Variants in KCNQ5 observed in about 807,000 individuals in gnomAD.
KCNQ5 encodes the protein potassium voltage-gated channel subfamily KQT member 5.
KCNQ5 carries 30 observed loss-of-function variants against 98.2 expected under a neutral mutation model. The ratio of observed to expected loss-of-function variants is 0.31; its 90% CI spans 0.23 to 0.41. The LOEUF (loss-of-function observed/expected upper bound fraction) is 0.41. Ranked by LOEUF, KCNQ5 falls within the 10% of genes least tolerant of loss-of-function variation. KCNQ5 has a pLI of 1.00. For synonymous variants in KCNQ5, 458 were observed against 449.4 expected (o/e 1.02, Z -0.24); for missense variants, 835 against 1,182.5 (o/e 0.71, Z 4.31).
At chr6:73,098,285 A>G (rs936009478) in intron 5 of KCNQ5, among the ~76,000 whole-genome samples, 5 of 152,152 alleles carry the variant, frequency 3.3e-5, no homozygotes, top group African/African-American at 9.7e-5. Context: ...TATCTATAAA[A>G]TAGCTTCAAA....
chr6:72,834,242 C>G (rs1776410636), intron 1 of KCNQ5, among the ~76,000 whole-genome samples: 1 of 151,986 alleles, frequency 6.6e-6, no homozygotes, highest in African/African-American at 2.4e-5. Flanking sequence ...AAAAGACTTT[C>G]ATTAAATTGG....
intron 1 of KCNQ5, among the ~76,000 whole-genome samples, chr6:72,917,263 A>G (rs1432716104): frequency 6.6e-6 from 1 of 152,110 alleles, no homozygotes; most frequent in Non-Finnish European, 1.5e-5. Context: ...AAAAAATACC[A>G]ATACTTATTT....
At chr6:72,726,464 C>T (rs996484967) in intron 1 of KCNQ5, among the ~76,000 whole-genome samples, 8 of 152,100 alleles carry the variant, frequency 5.3e-5, no homozygotes, top group Non-Finnish European at 1.0e-4. Context: ...CCGCCCGCCT[C>T]GGCCTCCCAA....
intron 1 of KCNQ5, among the ~76,000 whole-genome samples, chr6:72,722,677 G>C (rs1014204446): frequency 2.6e-5 from 4 of 151,954 alleles, no homozygotes; most frequent in Admixed American, 2.0e-4. Flanking sequence ...GCATAGCTCG[G>C]ATTATTGTCA....
chr6:72,659,861 AT>A (rs1565064011), intron 1 of KCNQ5, among the ~76,000 whole-genome samples: 1 of 152,036 alleles, frequency 6.6e-6, no homozygotes, highest in African/African-American at 2.4e-5. Context: ...TATCTTGTCC[AT>A]TTTTTTCTTT....
intron 1 of KCNQ5, among the ~76,000 whole-genome samples, chr6:72,931,657 G>A (rs186942657): frequency 1.4e-3 from 220 of 152,262 alleles, no homozygotes; most frequent in Non-Finnish European, 1.7e-3. Flanking sequence ...GGAACTAGTG[G>A]CTCCAGGCAC....
chr6:73,062,837 T>C (rs1186641084), intron 3 of KCNQ5, among the ~76,000 whole-genome samples: 1 of 152,170 alleles, frequency 6.6e-6, no homozygotes, highest in Non-Finnish European at 1.5e-5. Context: ...ACTTCTGCCT[T>C]TTGCAAAATG....
chr6:72,832,698 T>C (rs763297267), intron 1 of KCNQ5, among the ~76,000 whole-genome samples: 3 of 152,204 alleles, frequency 2.0e-5, no homozygotes, highest in Non-Finnish European at 2.9e-5. Context: ...TAATTCTTCC[T>C]GCACACTTCT....
intron 2 of KCNQ5, among the ~76,000 whole-genome samples, chr6:73,031,465 A>AAG (rs780358518): frequency 6.6e-6 from 1 of 152,260 alleles, no homozygotes; most frequent in Non-Finnish European, 1.5e-5. Flanking sequence ...TGATTTTAAT[A>AAG]GATAATAAAA....
At chr6:73,104,083 A>T (rs569341708) in intron 5 of KCNQ5, among the ~76,000 whole-genome samples, 2 of 152,248 alleles carry the variant, frequency 1.3e-5, no homozygotes, top group African/African-American at 4.8e-5. Flanking sequence ...TATTCAATAT[A>T]GTAGTGGAAG....
chr6:72,869,417 C>T (rs2150160573), intron 1 of KCNQ5, among the ~76,000 whole-genome samples: 1 of 152,284 alleles, frequency 6.6e-6, no homozygotes, highest in Admixed American at 6.5e-5. Flanking sequence ...AGCATTTAGA[C>T]AAAATGGTCC....
At chr6:72,812,512 CCT>C (rs1267491892) in intron 1 of KCNQ5, among the ~76,000 whole-genome samples, 1 of 152,148 alleles carries the variant, frequency 6.6e-6, no homozygotes, top group Non-Finnish European at 1.5e-5. Flanking sequence ...AATGGCAAAA[CCT>C]CTGTGTACTG....
intron 1 of KCNQ5, among the ~76,000 whole-genome samples, chr6:72,981,169 T>A (rs567212769): frequency 6.6e-6 from 1 of 152,348 alleles, no homozygotes; most frequent in East Asian, 1.9e-4. Context: ...GATGCTGGCC[T>A]CATAAAATGA....
intron 2 of KCNQ5, among the ~76,000 whole-genome samples, chr6:73,019,377 G>A (rs755660459): frequency 3.3e-5 from 5 of 151,868 alleles, no homozygotes; most frequent in Non-Finnish European, 7.4e-5. Context: ...ATGTATATAT[G>A]GCATTGTGGC....
intron 10 of KCNQ5, among the ~76,000 whole-genome samples, chr6:73,143,096 G>A (rs1483940034): frequency 6.6e-6 from 1 of 152,130 alleles, no homozygotes; most frequent in Non-Finnish European, 1.5e-5. Context: ...GAACTAAAAG[G>A]TGTGTGATAC....
intron 1 of KCNQ5, among the ~76,000 whole-genome samples, chr6:72,899,938 C>G (rs1779415156): frequency 1.3e-5 from 2 of 152,066 alleles, no homozygotes; most frequent in Non-Finnish European, 2.9e-5. Context: ...CTCTGCCTCC[C>G]AGGTTCAAGT....
At chr6:72,969,601 C>T (rs541473084) in intron 1 of KCNQ5, among the ~76,000 whole-genome samples, 8 of 152,092 alleles carry the variant, frequency 5.3e-5, no homozygotes, top group South Asian at 2.1e-4. Flanking sequence ...TATTCTATTC[C>T]GTCATTTTTC....
chr6:72,877,432 T>C (rs1040892443), intron 1 of KCNQ5, among the ~76,000 whole-genome samples: 2 of 152,226 alleles, frequency 1.3e-5, no homozygotes, highest in African/African-American at 4.8e-5. Flanking sequence ...TCATGGTGTA[T>C]ATGTACCACA....
chr6:72,791,416 C>T (rs1437326253), intron 1 of KCNQ5, among the ~76,000 whole-genome samples: 1 of 152,120 alleles, frequency 6.6e-6, no homozygotes, highest in East Asian at 1.9e-4. Flanking sequence ...TTCTCCTACC[C>T]AATGCCCTCC....
Sources: allele counts gnomAD v4.1 joint callset (sites outside exome capture counted in the v4.1 genomes callset), GRCh38; gene constraint gnomAD v4.1.1; transcripts MANE v1.5; gene names NCBI Gene and HGNC (gene_info 2026-07-23, HGNC 2026-07-21).